The following GBE1 variants were observed in gnomAD, a reference collection of about 807,000 sequenced individuals.
The protein encoded by GBE1 is 1,4-alpha-glucan branching enzyme 1, also known as 1,4-alpha-glucan-branching enzyme.
In GBE1, 70 loss-of-function variants were observed where a neutral mutation model predicts 88.8. The ratio of observed to expected loss-of-function variants is 0.79; its 90% CI spans 0.65 to 0.96. The LOEUF (loss-of-function observed/expected upper bound fraction) is 0.96, where lower values mean the gene tolerates loss of function less well. Among genes scored for constraint, GBE1 ranks in the 40% least tolerant of loss-of-function variants. The pLI is 0.00. For synonymous variants in GBE1, 284 were observed against 300.1 expected, an observed-to-expected ratio of 0.95 and a Z score of 0.56; for missense variants, 872 against 871.0, an observed-to-expected ratio of 1.00 and a Z score of -0.01.
At chr3:81,580,071 G>A (rs927184581) in intron 11 of GBE1, among the ~76,000 whole-genome samples, 3 of 151,988 alleles carry the variant, frequency 2.0e-5, no homozygotes, top group African/African-American at 7.2e-5. Context: ...TCATGTTTGC[G>A]TTAAATGGCC....
At chr3:81,656,344 G>A (rs1380936381) in intron 3 of GBE1, among the ~76,000 whole-genome samples, 1 of 152,140 alleles carries the variant, frequency 6.6e-6, no homozygotes, top group East Asian at 1.9e-4. Flanking sequence ...GGGAGAGAGT[G>A]GAGTGACGAG....
intron 14 of GBE1, among the ~76,000 whole-genome samples, chr3:81,532,765 CTTCT>C (rs1220068511): frequency 2.0e-5 from 3 of 152,038 alleles, no homozygotes; most frequent in Admixed American, 2.0e-4. Flanking sequence ...TCTCTTAATA[CTTCT>C]TTCTATAGTC....
chr3:81,606,742 C>A (rs1256560707), intron 7 of GBE1, among the ~76,000 whole-genome samples: 2 of 152,224 alleles, frequency 1.3e-5, no homozygotes, highest in Non-Finnish European at 2.9e-5. Flanking sequence ...GAGGACTTCT[C>A]TGGACACCCA....
At chr3:81,592,120 C>T (rs886973781) in intron 8 of GBE1, among the ~76,000 whole-genome samples, 1 of 151,926 alleles carries the variant, frequency 6.6e-6, no homozygotes, top group Non-Finnish European at 1.5e-5. Context: ...CTGTCACCAC[C>T]CATAGTTACC....
intron 11 of GBE1, among the ~76,000 whole-genome samples, chr3:81,579,431 G>T (rs1703690436): frequency 6.6e-6 from 1 of 151,910 alleles, no homozygotes; most frequent in Non-Finnish European, 1.5e-5. Flanking sequence ...ATAATTCTTG[G>T]TAAATCTTTT....
intron 12 of GBE1, among the ~76,000 whole-genome samples, chr3:81,548,782 T>C (rs549287033): frequency 2.0e-5 from 3 of 150,844 alleles, no homozygotes; most frequent in South Asian, 4.2e-4. Context: ...CTGAAATGTT[T>C]ATGACTATCA....
At chr3:81,628,789 A>G (rs1321803326) in intron 7 of GBE1, among the ~76,000 whole-genome samples, 1 of 136,914 alleles carries the variant, frequency 7.3e-6, no homozygotes, top group Non-Finnish European at 1.6e-5. Context: ...ATATAGCAAC[A>G]GAGTATGTTA....
chr3:81,634,053 C>T (rs891450675), intron 7 of GBE1, among the ~76,000 whole-genome samples: 2 of 152,128 alleles, frequency 1.3e-5, no homozygotes, highest in Non-Finnish European at 2.9e-5. Context: ...CAATTGTATT[C>T]GAAATGGTTT....
At chr3:81,541,931 A>G (rs1301467532) in intron 12 of GBE1, among the ~76,000 whole-genome samples, 1 of 152,002 alleles carries the variant, frequency 6.6e-6, no homozygotes, top group Admixed American at 6.6e-5. Flanking sequence ...TTTTTATTTT[A>G]TTTATTAATT....
chr3:81,617,236 C>T (rs1704260864), intron 7 of GBE1, among the ~76,000 whole-genome samples: 1 of 151,716 alleles, frequency 6.6e-6, no homozygotes, highest in Admixed American at 6.6e-5. Flanking sequence ...TTATTTTTGG[C>T]TTTATTTCAT....
chr3:81,749,564 C>T (rs1306151188), intron 1 of GBE1, among the ~76,000 whole-genome samples: 1 of 152,158 alleles, frequency 6.6e-6, no homozygotes, highest in Non-Finnish European at 1.5e-5. Context: ...CATTAATATA[C>T]ACATGTGATA....
chr3:81,758,523 T>C (rs1706634104), intron 1 of GBE1, among the ~76,000 whole-genome samples: 1 of 152,216 alleles, frequency 6.6e-6, no homozygotes, highest in Admixed American at 6.5e-5. Context: ...GATTTTTGAG[T>C]GACTGCCATG....
intron 1 of GBE1, among the ~76,000 whole-genome samples, chr3:81,737,446 TTA>T (rs1318726683): frequency 1.4e-5 from 2 of 144,044 alleles, no homozygotes; most frequent in Admixed American, 1.4e-4. Context: ...TACTTCAAAA[TTA>T]TATATATATA....
chr3:81,546,023 A>C (rs1030281992), intron 12 of GBE1, among the ~76,000 whole-genome samples: 5 of 152,148 alleles, frequency 3.3e-5, no homozygotes, highest in African/African-American at 1.2e-4. Context: ...TAATAGTTCT[A>C]TGTTATTATG....
intron 1 of GBE1, among the ~76,000 whole-genome samples, chr3:81,711,997 G>C (rs1480506265): frequency 6.6e-6 from 1 of 152,180 alleles, no homozygotes; most frequent in Admixed American, 6.5e-5. Flanking sequence ...CGAAGGATAT[G>C]AACAGATACT....
chr3:81,734,506 T>G (rs1400830298), intron 1 of GBE1, among the ~76,000 whole-genome samples: 3 of 152,116 alleles, frequency 2.0e-5, no homozygotes, highest in African/African-American at 7.2e-5. Context: ...AAGCACAGAG[T>G]TTATCATCCA....
chr3:81,746,366 A>T (rs1353853762), intron 1 of GBE1, among the ~76,000 whole-genome samples: 1 of 152,112 alleles, frequency 6.6e-6, no homozygotes, highest in African/African-American at 2.4e-5. Context: ...AGGCTCAAGC[A>T]ATCCTCACAC....
At chr3:81,692,455 C>T (rs576205348) in intron 2 of GBE1, among the ~76,000 whole-genome samples, 2 of 152,214 alleles carry the variant, frequency 1.3e-5, no homozygotes, top group Admixed American at 6.5e-5. Flanking sequence ...CAGGTGAAAA[C>T]ATTAAAACAC....
At chr3:81,736,213 G>C (rs75580376) in intron 1 of GBE1, among the ~76,000 whole-genome samples, 9 of 152,140 alleles carry the variant, frequency 5.9e-5, no homozygotes, top group Non-Finnish European at 1.0e-4. Flanking sequence ...AGAAGGGTTG[G>C]AGTGAGGAGG....
Sources: gnomAD v4.1 joint callset for allele counts (sites outside exome capture counted in the v4.1 genomes callset) on GRCh38, gnomAD v4.1.1 for gene constraint, MANE v1.5 for transcripts, NCBI Gene and HGNC (gene_info 2026-07-23, HGNC 2026-07-21) for gene names.